Variants in TASP1 observed in about 807,000 individuals in gnomAD.
TASP1 encodes taspase 1.
TASP1 carries 16 observed loss-of-function variants against 56.6 expected under a neutral mutation model. The ratio of observed to expected loss-of-function variants is 0.28; its 90% CI spans 0.19 to 0.43. TASP1 has a LOEUF of 0.43. Ranked by LOEUF, TASP1 falls within the 20% of genes least tolerant of loss-of-function variation. The pLI, the probability that TASP1 is intolerant of heterozygous loss-of-function variation, is 1.00. For missense variants in TASP1, 393 were observed against 511.6 expected (o/e 0.77, Z 2.24); for synonymous variants, 179 against 184.2 (o/e 0.97, Z 0.23).
chr20:13,381,037 T>C, the TASP1 span, among the ~76,000 whole-genome samples: 1 of 152,172 alleles, frequency 6.6e-6, no homozygotes. Flanking sequence ...TCTGCCGAGC[T>C]AGACCACTTG....
the TASP1 span, chr20:13,126,655 C>A: frequency 6.2e-7 from 1 of 1,614,020 alleles, no homozygotes; most frequent in Non-Finnish European, 8.5e-7. Context: ...ATGAGCCCAC[C>A]GATAGCAGAG....
chr20:13,534,188 C>T (rs1380662221), intron 8 of TASP1, 47 bp from the exon 9 acceptor site: 1 of 1,607,200 alleles, frequency 6.2e-7, no homozygotes, highest in Non-Finnish European at 8.5e-7. Context: ...TGGAGTGGGA[C>T]AATCTGATAT....
intron 4 of TASP1, among the ~76,000 whole-genome samples, chr20:13,602,174 C>T (rs986115562): frequency 1.3e-5 from 2 of 151,250 alleles, no homozygotes; most frequent in Non-Finnish European, 1.5e-5. Flanking sequence ...CCACCGCACC[C>T]GGCCACCCAT....
Position 13,559,107 on chromosome 20 carries a change from A to C in TASP1, c.576T>G (p.Ser192Arg), listed in dbSNP as rs2046258728. ...CPPNIMTTRFSLAAFKRNKRK... is the reference protein window; with the variant it reads ...CPPNIMTTRFRLAAFKRNKRK... ...TCTTGTTTCTTTTAAATGCAGCTAA[A>C]CTGAATCCTATAAAATAAAAATAAA... is the stretch of plus-strand genomic sequence containing the variant. The change falls in exon 8 of 14, where the codon AGT becomes AGG. Residue 192 changes from serine (S) to arginine (R), a missense_variant. Ser to Arg is a moderately radical substitution (Grantham distance 110, BLOSUM62 -1). Around this residue, in one of 3 missense-constraint regions of TASP1, gnomAD observed 293 missense variants for 354.2 expected, o/e 0.83. Transcript: ENST00000337743. The C allele has an allele frequency of 6.5e-7, 1 of 1,548,476 alleles. No homozygotes were observed. The highest frequency in any genetic ancestry group is 1.3e-5 in the South Asian group (1 of 77,920).
the TASP1 span, among the ~76,000 whole-genome samples, chr20:13,291,689 A>G: frequency 1.3e-5 from 2 of 152,304 alleles, no homozygotes; most frequent in African/African-American, 4.8e-5. Flanking sequence ...GAGAAGCCCA[A>G]CTTTTTCTTT....
At chr20:13,453,081 G>A (rs2043684009) in intron 11 of TASP1, among the ~76,000 whole-genome samples, 1 of 152,064 alleles carries the variant, frequency 6.6e-6, no homozygotes, top group South Asian at 2.1e-4. Flanking sequence ...AAGAAGAGAA[G>A]GGACAGGAAC....
At chr20:13,128,192 CTGT>C in the TASP1 span, among the ~76,000 whole-genome samples, 1 of 152,176 alleles carries the variant, frequency 6.6e-6, no homozygotes, top group African/African-American at 2.4e-5. Flanking sequence ...CTATTATTTG[CTGT>C]TGTTTCTGAG....
chr20:13,580,557 T>A (rs2047082964), intron 6 of TASP1, among the ~76,000 whole-genome samples: 1 of 152,214 alleles, frequency 6.6e-6, no homozygotes, highest in Non-Finnish European at 1.5e-5. Flanking sequence ...TGGAGCTGTA[T>A]CACAGGTTTA....
At chr20:13,160,064 A>G in the TASP1 span, 1 of 1,612,284 alleles carries the variant, frequency 6.2e-7, no homozygotes. Context: ...ATTTCCAGCC[A>G]CTCCCCTCGC....
chr20:13,480,263 A>G (rs1180844547), intron 11 of TASP1, among the ~76,000 whole-genome samples: 1 of 152,212 alleles, frequency 6.6e-6, no homozygotes, highest in Non-Finnish European at 1.5e-5. Context: ...AACTTGTTTA[A>G]CCAATGAGAC....
At position 13,593,406 on chromosome 20, in the gene TASP1, C is replaced by T. The variant is rs149073776; in HGVS notation, c.283-6036G>A. Among the ~76,000 whole-genome samples, 77 of 152,232 alleles carry T rather than the reference C, an allele frequency of 5.1e-4. No individual in the cohort carries two copies. In the East Asian group the frequency reaches 0.014, roughly 27 times the overall value. ...GGTGAGCCGAAGCTGGGTGGGGCATCGCCTCACCCAGGAAGCACAAGGGGT... is the reference window on the plus strand; with the variant it reads ...GGTGAGCCGAAGCTGGGTGGGGCATTGCCTCACCCAGGAAGCACAAGGGGT... On this transcript the variant is annotated intron_variant, in intron 4 of 13. Coordinates refer to ENST00000337743, the MANE Select transcript of TASP1 (RefSeq NM_017714.3).
the TASP1 span, among the ~76,000 whole-genome samples, chr20:13,339,630 T>A: frequency 6.6e-6 from 1 of 152,156 alleles, no homozygotes; most frequent in Admixed American, 6.5e-5. Context: ...TTTTTTTTTG[T>A]AGACACCAAT....
At chr20:13,558,937 A>G in intron 8 of TASP1, 71 bp downstream of exon 8, 1 of 996,172 alleles carries the variant, frequency 1.0e-6, no homozygotes, top group South Asian at 2.0e-5. Flanking sequence ...GTATCGTCCT[A>G]AAGCTTGTAT....
intron 6 of TASP1, among the ~76,000 whole-genome samples, chr20:13,575,073 T>C (rs1464525500): frequency 6.6e-6 from 1 of 152,172 alleles, no homozygotes; most frequent in African/African-American, 2.4e-5. Context: ...CTTTACCAAA[T>C]ATTAGCAAAC....
At chr20:13,311,181 T>C in the TASP1 span, among the ~76,000 whole-genome samples, 3 of 143,016 alleles carry the variant, frequency 2.1e-5, no homozygotes, top group African/African-American at 7.9e-5. Context: ...GCAACAAGAG[T>C]GAAACTCCAT....
At chr20:13,494,852 C>T (rs1037846069) in intron 10 of TASP1, among the ~76,000 whole-genome samples, 1 of 151,634 alleles carries the variant, frequency 6.6e-6, no homozygotes, top group Non-Finnish European at 1.5e-5. Context: ...CAATTTTAAC[C>T]AGAAAGTCCT....
chr20:13,417,718 ATC>A (rs1443103585), intron 12 of TASP1, among the ~76,000 whole-genome samples, 197 bp from the exon 13 acceptor site: 1 of 152,234 alleles, frequency 6.6e-6, no homozygotes, highest in Non-Finnish European at 1.5e-5. Context: ...TGAAAAATGT[ATC>A]TCTTTCCTGT....
intron 10 of TASP1, among the ~76,000 whole-genome samples, chr20:13,484,404 A>G (rs1251676494): frequency 6.6e-6 from 1 of 152,180 alleles, no homozygotes; most frequent in Non-Finnish European, 1.5e-5. Context: ...CTTGGAACCA[A>G]CCCAAACGTC....
the TASP1 span, among the ~76,000 whole-genome samples, chr20:13,174,704 A>G: frequency 2.0e-5 from 3 of 152,042 alleles, no homozygotes; most frequent in South Asian, 4.1e-4. Context: ...GTCACGAAAA[A>G]AAAAAAAAAG....
Sources: gnomAD v4.1 joint callset for allele counts (sites outside exome capture counted in the v4.1 genomes callset) on GRCh38, gnomAD v4.1.1 for gene constraint, gnomAD v4.1.1 regional missense constraint, MANE v1.5 for transcripts, NCBI Gene and HGNC (gene_info 2026-07-23, HGNC 2026-07-21) for gene names.